Variants in COL12A1 observed in about 807,000 individuals in gnomAD.
COL12A1 encodes the protein collagen type XII alpha 1 chain.
In COL12A1, 114 loss-of-function variants were observed where a neutral mutation model predicts 349.7. The observed-to-expected ratio is 0.33, with a 90% CI of 0.28 to 0.38. The LOEUF (loss-of-function observed/expected upper bound fraction) is 0.38, where lower values mean the gene tolerates loss of function less well. Among genes scored for constraint, COL12A1 ranks in the 10% least tolerant of loss-of-function variants. COL12A1 has a pLI of 1.00. For missense variants in COL12A1, 3,284 were observed against 3,756.9 expected, an observed-to-expected ratio of 0.87 and a Z score of 3.29; for synonymous variants, 1,369 against 1,329.0, an observed-to-expected ratio of 1.03 and a Z score of -0.66.
chr6:75,174,510 A>C (rs752797032), intron 13 of COL12A1, among the ~76,000 whole-genome samples: 3 of 152,258 alleles, frequency 2.0e-5, no homozygotes, highest in East Asian at 3.9e-4. Flanking sequence ...GAGCCGAGAT[A>C]GCGCCACTGC....
chr6:75,161,988 A>C (rs2149433346), intron 14 of COL12A1, among the ~76,000 whole-genome samples: 1 of 152,326 alleles, frequency 6.6e-6, no homozygotes, highest in African/African-American at 2.4e-5. Context: ...AACCACTCTC[A>C]AGGAAATAAG....
At chr6:75,167,459 G>A (rs1363201198) in intron 13 of COL12A1, among the ~76,000 whole-genome samples, 3 of 152,110 alleles carry the variant, frequency 2.0e-5, no homozygotes, top group East Asian at 1.9e-4. Context: ...AAAAGTATCA[G>A]ACAAATAAGG....
chr6:75,154,575 A>G, intron 16 of COL12A1, 38 bp from the exon 17 acceptor site: 1 of 1,556,100 alleles, frequency 6.4e-7, no homozygotes, highest in Non-Finnish European at 8.7e-7. Flanking sequence ...TGTGAGAACC[A>G]TAGGCTCAAG....
At chr6:75,186,894 G>C (rs1008387121) in intron 8 of COL12A1, among the ~76,000 whole-genome samples, 2 of 151,914 alleles carry the variant, frequency 1.3e-5, no homozygotes, top group Non-Finnish European at 2.9e-5. Context: ...ACATGTTCTT[G>C]CTTATAAGTG....
intron 35 of COL12A1, among the ~76,000 whole-genome samples, chr6:75,131,302 C>A (rs1766290478): frequency 6.6e-6 from 1 of 152,176 alleles, no homozygotes; most frequent in Non-Finnish European, 1.5e-5. Flanking sequence ...GTTAAATACA[C>A]AAGAATAGGA....
chr6:75,116,203 T>C, intron 47 of COL12A1, 146 bp from the exon 48 acceptor site: 2 of 780,262 alleles, frequency 2.6e-6, no homozygotes, highest in Non-Finnish European at 4.1e-6. Flanking sequence ...ATTTTATACA[T>C]TATTTCTTGT....
At position 75,183,422 on chromosome 6, in the gene COL12A1, T is replaced by C; in HGVS notation, c.1519A>G (p.Ile507Val). The C allele has an allele frequency of 6.2e-7, 1 of 1,614,246 alleles. No homozygotes were observed. The highest frequency in any genetic ancestry group is 8.5e-7 in the Non-Finnish European group (1 of 1,180,038). Residue 507 changes from isoleucine (I) to valine (V), a missense_variant, in exon 10 of 66, where the codon ATA becomes GTA. Around this residue, in one of 2 missense-constraint regions of COL12A1, gnomAD observed 2,601 missense variants for 2,824.8 expected, o/e 0.92. Transcript: ENST00000322507. Reference sequence around the variant, plus strand: ...CCTCCTCTGTAAGGGAAGGTGTTTATTGCTTCAATTATATCTTCAACTTTG... The same window carrying C: ...CCTCCTCTGTAAGGGAAGGTGTTTACTGCTTCAATTATATCTTCAACTTTG... ...FTKVEDIIEAINTFPYRGGST... is the reference protein window; with the variant it reads ...FTKVEDIIEAVNTFPYRGGST...
chr6:75,138,860 T>C lies in COL12A1; in HGVS notation c.5059A>G (p.Ile1687Val), dbSNP rs761760164. ...HGASDVSLYR[I>V]TWAPFGSSDK... is the part of the protein sequence containing the mutation. Reference sequence around the variant, plus strand: ...GAGCTTCCAAAAGGTGCCCAAGTTATTCTGTAGAGAGACACATCTGAAGCT... The same window carrying C: ...GAGCTTCCAAAAGGTGCCCAAGTTACTCTGTAGAGAGACACATCTGAAGCT... Residue 1687 changes from isoleucine (I) to valine (V), a missense_variant, in exon 28 of 66, where the codon ATA (isoleucine) becomes GTA (valine). By Grantham distance (29) the Ile-to-Val change is conservative (BLOSUM62 3). Around this residue, in one of 2 missense-constraint regions of COL12A1, gnomAD observed 2,601 missense variants for 2,824.8 expected, o/e 0.92. Transcript: ENST00000322507. 1.2e-6 allele frequency: 2 copies of C among 1,614,130 alleles called. No homozygotes were observed. The highest frequency in any genetic ancestry group is 1.7e-6 in the Non-Finnish European group (2 of 1,179,970).
intron 12 of COL12A1, among the ~76,000 whole-genome samples, chr6:75,176,966 C>T (rs1408247152): frequency 6.6e-6 from 1 of 152,020 alleles, no homozygotes; most frequent in African/African-American, 2.4e-5. Context: ...CCTAATCATC[C>T]CATTTAAAGA....
intron 60 of COL12A1, 53 bp from the exon 61 acceptor site, chr6:75,091,578 A>G: frequency 4.0e-6 from 6 of 1,517,192 alleles, no homozygotes; most frequent in Non-Finnish European, 5.5e-6. Context: ...CTCTAAAATG[A>G]TGCATGAATA....
At chr6:75,198,006 A>G (rs191288183) in intron 2 of COL12A1, among the ~76,000 whole-genome samples, 11 of 152,304 alleles carry the variant, frequency 7.2e-5, no homozygotes, top group East Asian at 1.9e-4. Context: ...TAAGAACCCA[A>G]TGATGGGCCT....
chr6:75,200,402 G>A (rs148831957), intron 2 of COL12A1, among the ~76,000 whole-genome samples: 15 of 152,116 alleles, frequency 9.9e-5, no homozygotes, highest in East Asian at 1.9e-4. Flanking sequence ...GTGAAACCCC[G>A]TCTCTACTAA....
In COL12A1 at chr6:75,136,380, T is replaced by C. The variant is rs1562196359; in HGVS notation, c.5394+1057A>G. On this transcript the variant is annotated intron_variant, in intron 31 of 65. Coordinates refer to ENST00000322507, the MANE Select transcript of COL12A1 (RefSeq NM_004370.6). ...ATCACACTACCTAAGACTGGAGCTA[T>C]AAAAGCCTCAAAAGACCAACTCAAA... is the stretch of plus-strand genomic sequence containing the variant. Among the ~76,000 whole-genome samples the C allele has an allele frequency of 2.6e-5, 4 of 152,236 alleles. No individual in the cohort carries two copies. The East Asian group carries it at 5.8e-4, about 22-fold the overall frequency.
At chr6:75,154,031 T>C (rs183516174) in intron 17 of COL12A1, among the ~76,000 whole-genome samples, 23 of 152,118 alleles carry the variant, frequency 1.5e-4, no homozygotes, top group Non-Finnish European at 2.8e-4. Context: ...AATGCATAAT[T>C]TTAAATTTAA....
At chr6:75,100,353 C>T (rs903769325) in intron 58 of COL12A1, among the ~76,000 whole-genome samples, 3 of 152,124 alleles carry the variant, frequency 2.0e-5, no homozygotes, top group Admixed American at 6.5e-5. Flanking sequence ...AGGCTTCGGT[C>T]GTAGCAGCAG....
intron 10 of COL12A1, among the ~76,000 whole-genome samples, chr6:75,182,670 A>G (rs146766184): frequency 0.013 from 1,980 of 152,334 alleles, 39 homozygotes; most frequent in African/African-American, 0.046. Flanking sequence ...AAGGTGCAAG[A>G]CTATATTCTC....
chr6:75,176,160 A>G (rs543372998), intron 12 of COL12A1, among the ~76,000 whole-genome samples: 2 of 152,348 alleles, frequency 1.3e-5, no homozygotes, highest in Admixed American at 1.3e-4. Context: ...CCTCCATAGC[A>G]GAACAGGCTA....
At chr6:75,149,026 C>A (rs1767347949) in intron 21 of COL12A1, among the ~76,000 whole-genome samples, 1 of 152,114 alleles carries the variant, frequency 6.6e-6, no homozygotes, top group Non-Finnish European at 1.5e-5. Flanking sequence ...CCATGTAAGA[C>A]CTCCCTTGCT....
intron 58 of COL12A1, among the ~76,000 whole-genome samples, chr6:75,098,415 A>T (rs1000415432): frequency 2.0e-5 from 3 of 152,210 alleles, no homozygotes; most frequent in African/African-American, 7.2e-5. Flanking sequence ...GCACTTTGGG[A>T]GGCCAAGGCA....
Sources: gnomAD v4.1 joint callset for allele counts (sites outside exome capture counted in the v4.1 genomes callset) on GRCh38, gnomAD v4.1.1 for gene constraint, gnomAD v4.1.1 regional missense constraint, MANE v1.5 for transcripts, NCBI Gene and HGNC (gene_info 2026-07-23, HGNC 2026-07-21) for gene names.